The following DHRS9 variants were observed in gnomAD, a reference collection of about 807,000 sequenced individuals.
The protein encoded by DHRS9 is dehydrogenase/reductase SDR family member 9.
Under a neutral mutation model 26.6 loss-of-function variants are expected in DHRS9, and 18 were observed. The observed-to-expected ratio is 0.68, with a 90% confidence interval of 0.47 to 1.00. The LOEUF (loss-of-function observed/expected upper bound fraction) is 1.00, where lower values mean the gene tolerates loss of function less well. Ranked by LOEUF, DHRS9 falls within the 50% of genes least tolerant of loss-of-function variation. The pLI is 0.00. For synonymous variants in DHRS9, 134 were observed against 141.1 expected (o/e 0.95, Z 0.36); for missense variants, 425 against 378.7 (o/e 1.12, Z -1.01).
intron 4 of DHRS9, among the ~76,000 whole-genome samples, chr2:169,093,507 T>C (rs1182838961): frequency 6.6e-6 from 1 of 152,222 alleles, no homozygotes; most frequent in Non-Finnish European, 1.5e-5. Flanking sequence ...AGGTTCTATG[T>C]AGGTTCCATC....
chr2:169,076,786 T>C (rs1415634629), intron 1 of DHRS9, among the ~76,000 whole-genome samples: 2 of 152,234 alleles, frequency 1.3e-5, no homozygotes, highest in Non-Finnish European at 2.9e-5. Context: ...CACAGCCTAC[T>C]GTTGACCAGA....
At chr2:169,092,866 A>C (rs1415946757) in intron 4 of DHRS9, among the ~76,000 whole-genome samples, 2 of 151,942 alleles carry the variant, frequency 1.3e-5, no homozygotes, top group East Asian at 1.9e-4. Context: ...CCCCCAAAAA[A>C]CTCTTATTAT....
chr2:169,081,970 T>C, intron 2 of DHRS9, 76 bp downstream of exon 2: 2 of 1,411,206 alleles, frequency 1.4e-6, no homozygotes, highest in Non-Finnish European at 1.9e-6. Flanking sequence ...TAAAACATGC[T>C]CAAGTTTTAA....
chr2:169,083,143 G>C (rs1247934174), intron 2 of DHRS9, among the ~76,000 whole-genome samples, 186 bp from the exon 3 acceptor site: 1 of 152,144 alleles, frequency 6.6e-6, no homozygotes, highest in African/African-American at 2.4e-5. Flanking sequence ...GCGAGAACTT[G>C]AACTATTTCA....
chr2:169,080,021 G>GAAAGAAA (rs1684129727), intron 1 of DHRS9, among the ~76,000 whole-genome samples: 1 of 119,422 alleles, frequency 8.4e-6, no homozygotes, highest in African/African-American at 3.0e-5. Context: ...AAGAAAGAAA[G>GAAAGAAA]AAAGAAAGAA....
intron 3 of DHRS9, 143 bp downstream of exon 3, chr2:169,083,730 T>C (rs1046744533): frequency 2.1e-5 from 19 of 914,684 alleles, no homozygotes; most frequent in Non-Finnish European, 3.0e-5. Flanking sequence ...TAGGTATATA[T>C]ATTTATGGTT....
chr2:169,067,569 A>G (rs1239357988), upstream of DHRS9, among the ~76,000 whole-genome samples: 2 of 152,148 alleles, frequency 1.3e-5, no homozygotes, highest in African/African-American at 4.8e-5. Flanking sequence ...TAAAATGCAC[A>G]GTGCACTCCT....
chr2:169,078,939 ATTCTCCTGCC>A (rs1422777323), intron 1 of DHRS9, among the ~76,000 whole-genome samples: 144 of 140,020 alleles, frequency 1.0e-3, no homozygotes, highest in Admixed American at 2.5e-3. Context: ...CTCCTGCCTG[ATTCTCCTGCC>A]TGATTCTCCA....
chr2:169,077,119 G>A (rs1456755041), intron 1 of DHRS9, among the ~76,000 whole-genome samples: 1 of 152,146 alleles, frequency 6.6e-6, no homozygotes, highest in Non-Finnish European at 1.5e-5. Context: ...TCAGATGTCA[G>A]CTGTGCTTAT....
intron 4 of DHRS9, among the ~76,000 whole-genome samples, chr2:169,092,627 G>A (rs954018330): frequency 6.6e-6 from 1 of 152,186 alleles, no homozygotes; most frequent in Non-Finnish European, 1.5e-5. Flanking sequence ...GGGCAGGTCA[G>A]GTTTGAATAA....
chr2:169,070,213 G>T (rs562331170), intron 1 of DHRS9: 2 of 985,144 alleles, frequency 2.0e-6, no homozygotes, highest in Non-Finnish European at 2.4e-6. Context: ...CTAAACTGAG[G>T]GGAAAAAATG....
At chr2:169,070,531 C>A (rs1334369649) in intron 1 of DHRS9, 1 of 985,410 alleles carries the variant, frequency 1.0e-6, no homozygotes, top group Non-Finnish European at 1.2e-6. Context: ...TATCCCTCGG[C>A]ATATATTAAC....
chr2:169,075,700 T>G (rs1365084109), intron 1 of DHRS9, among the ~76,000 whole-genome samples: 1 of 152,146 alleles, frequency 6.6e-6, no homozygotes, highest in East Asian at 1.9e-4. Flanking sequence ...TTCTTTTACT[T>G]CATGACTTTG....
chr2:169,084,138 G>A (rs1465338297), intron 3 of DHRS9, among the ~76,000 whole-genome samples: 1 of 152,060 alleles, frequency 6.6e-6, no homozygotes, highest in Non-Finnish European at 1.5e-5. Context: ...ATGACCACCA[G>A]TTCCATCCAA....
At position 169,081,554 on chromosome 2, in the gene DHRS9, A is replaced by G; in HGVS notation, c.-28A>G. On this transcript the variant is annotated 5_prime_UTR_variant, in exon 2 of 5. Coordinates refer to ENST00000674881, the MANE Select transcript of DHRS9 (RefSeq NM_001376924.1). ...ATCTTCTTGTATTATACAAGAAAGG[A>G]GTGTACCTATCACACACAGGGGGAA... is the stretch of plus-strand genomic sequence containing the variant. The G allele has an allele frequency of 6.2e-7, 1 of 1,605,168 alleles. No homozygotes were observed. The highest frequency in any genetic ancestry group is 8.5e-7 in the Non-Finnish European group (1 of 1,176,524).
Position 169,081,564 on chromosome 2 carries a change from T to A in DHRS9, c.-18T>A, listed in dbSNP as rs1230697424. On this transcript the variant is annotated 5_prime_UTR_variant, in exon 2 of 5. Coordinates refer to ENST00000674881, the MANE Select transcript of DHRS9 (RefSeq NM_001376924.1). ...ATTATACAAGAAAGGAGTGTACCTA[T>A]CACACACAGGGGGAAAAATGCTCTT... The A allele has an allele frequency of 8.1e-6, 13 of 1,610,456 alleles. No individual in the cohort carries two copies. The highest frequency in any genetic ancestry group is 1.1e-5 in the Non-Finnish European group (13 of 1,178,414).
chr2:169,095,713 A>T lies in DHRS9; in HGVS notation c.906A>T (p.Gln302His). 6.2e-7 allele frequency: 1 copy of T among 1,613,938 alleles called. No homozygotes were observed. The highest frequency in any genetic ancestry group is 1.1e-5 in the South Asian group (1 of 91,084). Residue 302 changes from glutamine (Q) to histidine (H), a missense_variant, in exon 5 of 5, where the codon CAA becomes CAT. Transcript: ENST00000674881. ...IPLSHMPAAL[Q>H]DFLLLKQKAE... ...TGTCTCACATGCCAGCAGCTTTGCAAGACTTTTTATTGTTGAAACAGAAAG... is the reference window on the plus strand; with the variant it reads ...TGTCTCACATGCCAGCAGCTTTGCATGACTTTTTATTGTTGAAACAGAAAG...
chr2:169,070,552 A>G (rs905824655), intron 1 of DHRS9: 5 of 985,064 alleles, frequency 5.1e-6, no homozygotes, highest in Non-Finnish European at 6.0e-6. Context: ...TGCTCTAAAA[A>G]TCTCCTTGGC....
chr2:169,074,255 G>A, intron 1 of DHRS9: 1 of 985,032 alleles, frequency 1.0e-6, no homozygotes, highest in African/African-American at 1.7e-5. Flanking sequence ...TACTTTACAG[G>A]TAGGAAAATG....
Sources: allele counts gnomAD v4.1 joint callset (sites outside exome capture counted in the v4.1 genomes callset), GRCh38; gene constraint gnomAD v4.1.1; transcripts MANE v1.5; gene names NCBI Gene and HGNC (gene_info 2026-07-23, HGNC 2026-07-21).